GRID2: variants seen among roughly 807,000 people sequenced by gnomAD.
The protein encoded by GRID2 is glutamate ionotropic receptor delta type subunit 2.
A neutral mutation model predicts 114.8 loss-of-function variants in GRID2; 33 were observed. The ratio of observed to expected loss-of-function variants is 0.29; its 90% CI spans 0.22 to 0.38. GRID2 has a LOEUF of 0.38. Among genes scored for constraint, GRID2 ranks in the 10% least tolerant of loss-of-function variants. The pLI is 1.00. For synonymous variants in GRID2, 505 were observed against 449.9 expected (o/e 1.12, Z -1.55); for missense variants, 1,184 against 1,257.7 (o/e 0.94, Z 0.89).
intron 2 of GRID2, among the ~76,000 whole-genome samples, chr4:92,871,977 ACT>A (rs1165493417): frequency 6.6e-6 from 1 of 151,642 alleles, no homozygotes; most frequent in Non-Finnish European, 1.5e-5. Context: ...AAAGAAATAA[ACT>A]CTCCAATAAA....
intron 4 of GRID2, among the ~76,000 whole-genome samples, chr4:93,129,416 T>A (rs1251588343): frequency 1.3e-5 from 2 of 152,158 alleles, no homozygotes; most frequent in Non-Finnish European, 2.9e-5. Context: ...ATCCCCCAGG[T>A]CTTTCAGAAT....
At chr4:93,374,913 T>C (rs964517844) in intron 8 of GRID2, among the ~76,000 whole-genome samples, 1 of 152,192 alleles carries the variant, frequency 6.6e-6, no homozygotes, top group African/African-American at 2.4e-5. Flanking sequence ...AATCGACCTG[T>C]CTCTGCTTCT....
intron 8 of GRID2, among the ~76,000 whole-genome samples, chr4:93,381,972 G>C (rs1238863982): frequency 1.3e-5 from 2 of 151,986 alleles, no homozygotes; most frequent in African/African-American, 4.8e-5. Flanking sequence ...TGTATACCTA[G>C]AAATGCCTTA....
At chr4:92,632,677 A>AAGGGAAGAAGTGAAGAAAGGG (rs1262927799) in intron 2 of GRID2, among the ~76,000 whole-genome samples, 1 of 149,540 alleles carries the variant, frequency 6.7e-6, no homozygotes, top group African/African-American at 2.5e-5. Context: ...TGAAGAAAGG[A>AAGGGAAGAAGTGAAGAAAGGG]AAGGAAGGGA....
intron 1 of GRID2, among the ~76,000 whole-genome samples, chr4:93,789,897 G>A (rs1441863092): frequency 6.6e-6 from 1 of 152,162 alleles, no homozygotes; most frequent in African/African-American, 2.4e-5. Flanking sequence ...GAAGTGAATG[G>A]GGGTAAGTGA....
chr4:92,838,109 C>A (rs1191660831), intron 2 of GRID2, among the ~76,000 whole-genome samples: 1 of 152,046 alleles, frequency 6.6e-6, no homozygotes, highest in Non-Finnish European at 1.5e-5. Flanking sequence ...TGGTGTTTTA[C>A]CTCCTTCAAT....
At chr4:92,883,003 T>C (rs1055895536) in intron 2 of GRID2, among the ~76,000 whole-genome samples, 4 of 152,220 alleles carry the variant, frequency 2.6e-5, no homozygotes, top group Non-Finnish European at 2.9e-5. Flanking sequence ...GTTTGCCACA[T>C]TGATTGACTC....
intron 2 of GRID2, among the ~76,000 whole-genome samples, chr4:92,756,748 T>C (rs1021550795): frequency 3.3e-5 from 5 of 152,166 alleles, no homozygotes; most frequent in African/African-American, 9.6e-5. Flanking sequence ...TGTTGGTGGT[T>C]TGCATGCCTT....
chr4:92,665,920 C>T (rs975038608), intron 2 of GRID2, among the ~76,000 whole-genome samples: 2 of 151,318 alleles, frequency 1.3e-5, no homozygotes, highest in Non-Finnish European at 3.0e-5. Flanking sequence ...TTCACAATAT[C>T]GAATTCATTA....
chr4:92,718,456 T>G (rs1190264781), intron 2 of GRID2, among the ~76,000 whole-genome samples: 3 of 152,010 alleles, frequency 2.0e-5, no homozygotes, highest in Admixed American at 6.6e-5. Flanking sequence ...ACATTTATTA[T>G]ATAAAAGTAT....
At chr4:93,616,119 A>G (rs898284884) in intron 13 of GRID2, among the ~76,000 whole-genome samples, 7 of 152,176 alleles carry the variant, frequency 4.6e-5, no homozygotes, top group Non-Finnish European at 7.3e-5. Context: ...TTTTCTGCAC[A>G]TTTTGAGGTA....
At chr4:92,756,915 T>C (rs368684530) in intron 2 of GRID2, among the ~76,000 whole-genome samples, 1 of 152,088 alleles carries the variant, frequency 6.6e-6, no homozygotes, top group Non-Finnish European at 1.5e-5. Context: ...CTCTTTATTA[T>C]GTTGATTGTT....
intron 2 of GRID2, among the ~76,000 whole-genome samples, chr4:92,815,484 C>T (rs1337081182): frequency 1.3e-5 from 2 of 152,024 alleles, no homozygotes; most frequent in Non-Finnish European, 2.9e-5. Context: ...AGGATTATGC[C>T]ACACATTGAT....
chr4:93,016,548 C>G (rs1490272360), intron 2 of GRID2, among the ~76,000 whole-genome samples: 2 of 152,118 alleles, frequency 1.3e-5, no homozygotes, highest in African/African-American at 4.8e-5. Context: ...CTCTGCCCAT[C>G]CCCTCTCTGG....
chr4:92,438,335 G>A (rs905451643), intron 1 of GRID2, among the ~76,000 whole-genome samples: 1 of 151,958 alleles, frequency 6.6e-6, no homozygotes, highest in African/African-American at 2.4e-5. Flanking sequence ...AAAATAGGCT[G>A]CCAGGAATCT....
chr4:93,247,707 A>G (rs1748363740), intron 8 of GRID2, among the ~76,000 whole-genome samples: 1 of 151,680 alleles, frequency 6.6e-6, no homozygotes, highest in South Asian at 2.1e-4. Context: ...ATGTGAGCCA[A>G]TCTCTCATAT....
At chr4:92,930,578 A>ATTTTTTTT (rs35741890) in intron 2 of GRID2, among the ~76,000 whole-genome samples, 1 of 119,502 alleles carries the variant, frequency 8.4e-6, no homozygotes, top group African/African-American at 3.1e-5. Flanking sequence ...CACTTTCGGC[A>ATTTTTTTT]TTTTTTTTTT....
intron 14 of GRID2, among the ~76,000 whole-genome samples, chr4:93,663,022 T>C (rs1189495359): frequency 6.6e-6 from 1 of 152,164 alleles, no homozygotes; most frequent in Non-Finnish European, 1.5e-5. Flanking sequence ...AGCGAACTCA[T>C]TGTGCTTCCT....
chr4:93,121,443 C>T (rs556325949), intron 4 of GRID2, among the ~76,000 whole-genome samples: 7 of 152,190 alleles, frequency 4.6e-5, no homozygotes, highest in South Asian at 4.2e-4. Flanking sequence ...GTCTTTCTTT[C>T]GTTCAGCATT....
Sources: allele counts gnomAD v4.1 joint callset (sites outside exome capture counted in the v4.1 genomes callset), GRCh38; gene constraint gnomAD v4.1.1; transcripts MANE v1.5; gene names NCBI Gene and HGNC (gene_info 2026-07-23, HGNC 2026-07-21).